The following CDH13 variants were observed in gnomAD, a reference collection of about 807,000 sequenced individuals.
CDH13 encodes the protein cadherin-13.
In CDH13, 24 loss-of-function variants were observed where a neutral mutation model predicts 63.8. That is an observed-to-expected ratio of 0.38 (90% CI 0.27 to 0.53). CDH13 has a LOEUF of 0.53. CDH13 is among the 20% of genes least tolerant of loss of function. The probability of loss-of-function intolerance (pLI) is 0.85; values close to 1 mark genes in which losing one functional copy is unlikely to be tolerated. For missense variants in CDH13, 1,049 were observed against 903.1 expected (o/e 1.16, Z -2.07); for synonymous variants, 503 against 355.3 (o/e 1.42, Z -4.67).
At chr16:83,138,990 C>T (rs1234924382) in intron 4 of CDH13, among the ~76,000 whole-genome samples, 1 of 152,156 alleles carries the variant, frequency 6.6e-6, no homozygotes, top group Non-Finnish European at 1.5e-5. Context: ...GGACGCTGAA[C>T]AAAGTAACCT....
intron 1 of CDH13, among the ~76,000 whole-genome samples, chr16:82,842,146 A>ATG (rs1327619858): frequency 7.0e-5 from 2 of 28,622 alleles, no homozygotes; most frequent in African/African-American, 1.2e-4. Context: ...ATACACATAT[A>ATG]TATATATATA....
chr16:83,631,576 C>T (rs911395809), intron 8 of CDH13, among the ~76,000 whole-genome samples: 1 of 152,036 alleles, frequency 6.6e-6, no homozygotes, highest in South Asian at 2.1e-4. Flanking sequence ...TTGAGGTGGA[C>T]AGTGTCAAAA....
chr16:82,770,783 C>T (rs747287088), intron 1 of CDH13, among the ~76,000 whole-genome samples: 1 of 152,166 alleles, frequency 6.6e-6, no homozygotes, highest in Non-Finnish European at 1.5e-5. Context: ...TCTCGGCTCA[C>T]TGCAACCTCC....
chr16:83,147,633 G>A (rs1423254617), intron 4 of CDH13, among the ~76,000 whole-genome samples: 1 of 152,112 alleles, frequency 6.6e-6, no homozygotes, highest in South Asian at 2.1e-4. Flanking sequence ...CCTTTCCAGA[G>A]TCAGAGTGGG....
At chr16:83,033,747 G>C (rs901535553) in intron 3 of CDH13, among the ~76,000 whole-genome samples, 2 of 152,130 alleles carry the variant, frequency 1.3e-5, no homozygotes, top group African/African-American at 4.8e-5. Flanking sequence ...ACTGACTCCT[G>C]CCTTCTTCAC....
At chr16:82,951,581 A>G (rs1199961446) in intron 2 of CDH13, among the ~76,000 whole-genome samples, 1 of 152,138 alleles carries the variant, frequency 6.6e-6, no homozygotes, top group African/African-American at 2.4e-5. Context: ...AATGAGTCCT[A>G]TTTTGTTGAG....
At chr16:82,725,558 C>A (rs1432476404) in intron 1 of CDH13, among the ~76,000 whole-genome samples, 1 of 152,192 alleles carries the variant, frequency 6.6e-6, no homozygotes, top group Non-Finnish European at 1.5e-5. Context: ...CTGCATAAAA[C>A]TATAAGCCTC....
At chr16:83,001,593 T>C (rs572388165) in intron 2 of CDH13, among the ~76,000 whole-genome samples, 230 of 152,320 alleles carry the variant, frequency 1.5e-3, no homozygotes, top group Admixed American at 2.7e-3. Context: ...TGTAAATCAG[T>C]AGAGTTCTAA....
At chr16:82,792,236 G>C (rs935526642) in intron 1 of CDH13, among the ~76,000 whole-genome samples, 1 of 152,092 alleles carries the variant, frequency 6.6e-6, no homozygotes, top group African/African-American at 2.4e-5. Context: ...TTCCTGCCGC[G>C]TGGGCTGAAC....
Position 83,330,794 on chromosome 16 carries a change from C to T in CDH13, c.637-14068C>T, listed in dbSNP as rs549957017. Among the ~76,000 whole-genome samples the T allele has an allele frequency of 4.6e-5, 7 of 152,256 alleles. No individual in the cohort carries two copies. In the South Asian group the frequency reaches 6.2e-4, roughly 14 times the overall value. On this transcript the variant is annotated intron_variant, in intron 5 of 13. Coordinates refer to ENST00000567109, the MANE Select transcript of CDH13 (RefSeq NM_001257.5). Reference sequence around the variant, plus strand: ...CGAAGGTTGGAACAGGGGACTTGGTCACATGAGCCCTATGCTTCCTCTTAA... The same window carrying T: ...CGAAGGTTGGAACAGGGGACTTGGTTACATGAGCCCTATGCTTCCTCTTAA...
At chr16:83,366,360 G>C (rs538236114) in intron 6 of CDH13, among the ~76,000 whole-genome samples, 1 of 152,174 alleles carries the variant, frequency 6.6e-6, no homozygotes, top group Non-Finnish European at 1.5e-5. Context: ...GTATGCGTGC[G>C]ATGCCACTCA....
chr16:83,068,409 C>G (rs577949636), intron 3 of CDH13, among the ~76,000 whole-genome samples: 5 of 152,248 alleles, frequency 3.3e-5, no homozygotes, highest in African/African-American at 1.2e-4. Context: ...ACTTTGGAGA[C>G]TAGTCACATA....
intron 7 of CDH13, among the ~76,000 whole-genome samples, chr16:83,589,727 G>A (rs1766109032): frequency 1.3e-5 from 2 of 152,130 alleles, no homozygotes; most frequent in African/African-American, 2.4e-5. Context: ...ACGGACGTGT[G>A]AAGGGAAAAT....
chr16:83,716,563 A>G (rs987884066), intron 10 of CDH13, among the ~76,000 whole-genome samples: 3 of 152,066 alleles, frequency 2.0e-5, no homozygotes, highest in East Asian at 3.9e-4. Context: ...AGCTCACTGC[A>G]ACCTCCACCT....
At position 82,711,322 on chromosome 16, in the gene CDH13, T is replaced by G. The variant is rs1012207050; in HGVS notation, c.45+84185T>G. ...AGAGTCTTAGAATCTCCAGTGATCC[T>G]GCAGGACCCTCATCCCGTGGTTTTA... On this transcript the variant is annotated intron_variant, in intron 1 of 13. Coordinates refer to ENST00000567109, the MANE Select transcript of CDH13 (RefSeq NM_001257.5). Among the ~76,000 whole-genome samples the G allele has an allele frequency of 6.6e-5, 10 of 152,310 alleles. No homozygotes were observed. In the East Asian group the frequency reaches 1.7e-3, roughly 26 times the overall value.
intron 1 of CDH13, among the ~76,000 whole-genome samples, chr16:82,704,585 A>G (rs2031329263): frequency 6.6e-6 from 1 of 152,154 alleles, no homozygotes; most frequent in Admixed American, 6.6e-5. Flanking sequence ...GGGTGCTGTG[A>G]AGAAGTGCTT....
At chr16:83,541,144 C>G (rs1223642729) in intron 7 of CDH13, among the ~76,000 whole-genome samples, 1 of 152,146 alleles carries the variant, frequency 6.6e-6, no homozygotes, top group Non-Finnish European at 1.5e-5. Context: ...CTGGCCTACA[C>G]TAGTGCCCAG....
intron 7 of CDH13, among the ~76,000 whole-genome samples, chr16:83,536,481 C>T (rs370076974): frequency 9.9e-5 from 15 of 152,054 alleles, no homozygotes; most frequent in East Asian, 7.8e-4. Context: ...GAGCAAAGGT[C>T]CTGTGGCCAG....
intron 5 of CDH13, among the ~76,000 whole-genome samples, chr16:83,253,886 G>A (rs1041586787): frequency 6.6e-6 from 1 of 152,186 alleles, no homozygotes; most frequent in Non-Finnish European, 1.5e-5. Context: ...GTATACACAT[G>A]AACAGACACA....
Sources: allele counts gnomAD v4.1 joint callset (sites outside exome capture counted in the v4.1 genomes callset), GRCh38; gene constraint gnomAD v4.1.1; transcripts MANE v1.5; gene names NCBI Gene and HGNC (gene_info 2026-07-23, HGNC 2026-07-21).